Variants in SKAP2 observed in about 807,000 individuals in gnomAD.
SKAP2 encodes src kinase-associated phosphoprotein 2.
Under a neutral mutation model 54.9 loss-of-function variants are expected in SKAP2, and 28 were observed. The observed-to-expected ratio is 0.51, with a 90% CI of 0.38 to 0.70. The LOEUF (loss-of-function observed/expected upper bound fraction) is 0.70. Among genes scored for constraint, SKAP2 ranks in the 30% least tolerant of loss-of-function variants. SKAP2 has a pLI of 0.00. For synonymous variants in SKAP2, 137 were observed against 134.3 expected (o/e 1.02, Z -0.14); for missense variants, 356 against 424.1 (o/e 0.84, Z 1.41).
chr7:26,826,223 T>C (rs1784492406), intron 4 of SKAP2, among the ~76,000 whole-genome samples: 1 of 152,112 alleles, frequency 6.6e-6, no homozygotes, highest in East Asian at 1.9e-4. Flanking sequence ...TCTATTTCAA[T>C]GGGGTTGCTA....
At position 26,801,053 on chromosome 7, in the gene SKAP2, GA is replaced by G. The variant is rs1347730101; in HGVS notation, c.307+42976del. On this transcript the variant is annotated intron_variant, in intron 4 of 12. Coordinates refer to ENST00000345317, the MANE Select transcript of SKAP2 (RefSeq NM_003930.5). Reference sequence around the variant, plus strand: ...AAGACGCATCCAAGAAAGAAAGAAAGAAAAAAAAATATAGGCCAATATATTT... The same window carrying G: ...AAGACGCATCCAAGAAAGAAAGAAAGAAAAAAAATATAGGCCAATATATTT... 4.7e-5 allele frequency among the ~76,000 whole-genome samples: 7 copies of G among 149,716 alleles called. No homozygotes were observed. In the East Asian group the frequency reaches 5.9e-4, roughly 13 times the overall value.
chr7:26,836,141 T>C (rs1007163830), intron 4 of SKAP2, among the ~76,000 whole-genome samples: 1 of 152,216 alleles, frequency 6.6e-6, no homozygotes, highest in Admixed American at 6.5e-5. Context: ...GCCAGCCATA[T>C]GCAGAAAACT....
intron 4 of SKAP2, among the ~76,000 whole-genome samples, chr7:26,799,072 G>A (rs1584396083): frequency 6.6e-6 from 1 of 150,712 alleles, no homozygotes; most frequent in African/African-American, 2.4e-5. Context: ...GGCAGGGACA[G>A]GGCAAGGCAA....
At chr7:26,722,578 T>A (rs949447335) in intron 9 of SKAP2, among the ~76,000 whole-genome samples, 2 of 151,866 alleles carry the variant, frequency 1.3e-5, no homozygotes, top group African/African-American at 4.8e-5. Flanking sequence ...TATTTTTATT[T>A]TTTTATTTTT....
intron 9 of SKAP2, among the ~76,000 whole-genome samples, chr7:26,718,016 T>C (rs1262959256): frequency 1.3e-5 from 2 of 151,778 alleles, no homozygotes; most frequent in Non-Finnish European, 2.9e-5. Flanking sequence ...GAGGATATTA[T>C]ATATATATAC....
chr7:26,681,856 A>G (rs976256035), intron 11 of SKAP2, among the ~76,000 whole-genome samples: 2 of 152,202 alleles, frequency 1.3e-5, no homozygotes, highest in Admixed American at 1.3e-4. Flanking sequence ...TGATGAACAA[A>G]GTTTTTCATG....
At chr7:26,772,756 TGTTTG>T (rs1433280820) in intron 4 of SKAP2, among the ~76,000 whole-genome samples, 2 of 152,210 alleles carry the variant, frequency 1.3e-5, no homozygotes, top group African/African-American at 4.8e-5. Context: ...TCCACGTGTG[TGTTTG>T]TTTTGTGGGA....
chr7:26,837,446 T>C (rs1031784478), intron 4 of SKAP2, among the ~76,000 whole-genome samples: 1 of 152,074 alleles, frequency 6.6e-6, no homozygotes, highest in African/African-American at 2.4e-5. Flanking sequence ...CTTACAATCA[T>C]GGTGGAAGGC....
chr7:26,795,309 T>C (rs1435678411), intron 4 of SKAP2, among the ~76,000 whole-genome samples: 1 of 152,204 alleles, frequency 6.6e-6, no homozygotes, highest in Non-Finnish European at 1.5e-5. Flanking sequence ...GTAAATAATT[T>C]ATTCATCTGG....
chr7:26,833,531 A>G lies in SKAP2; in HGVS notation c.307+10499T>C, dbSNP rs191623092. Among the ~76,000 whole-genome samples the G allele has an allele frequency of 1.5e-3, 228 of 152,306 alleles. 1 individual carries two copies. The highest frequency in any genetic ancestry group is 5.2e-3 in the African/African-American group (216 of 41,570). ...AAAATAAAGGGATGGAGGAATATTT[A>G]CCAAGCAAATGGAAAGCAATAAAAA... On this transcript the variant is annotated intron_variant, in intron 4 of 12. Transcript: ENST00000345317.
intron 4 of SKAP2, among the ~76,000 whole-genome samples, chr7:26,741,054 A>C (rs893651714): frequency 3.9e-5 from 6 of 152,226 alleles, no homozygotes; most frequent in Non-Finnish European, 8.8e-5. Flanking sequence ...AAGTGAAAAC[A>C]ACCAATCAAA....
At chr7:26,705,923 A>G (rs1787146475) in intron 9 of SKAP2, among the ~76,000 whole-genome samples, 1 of 152,242 alleles carries the variant, frequency 6.6e-6, no homozygotes, top group Non-Finnish European at 1.5e-5. Context: ...CACACTTCAC[A>G]AAAGATTCAA....
chr7:26,823,137 A>G (rs1784414736), intron 4 of SKAP2, among the ~76,000 whole-genome samples: 1 of 151,622 alleles, frequency 6.6e-6, no homozygotes, highest in South Asian at 2.1e-4. Context: ...AGAAAGCAAA[A>G]TAGCCTGGCC....
chr7:26,680,687 G>A (rs1430832625), intron 11 of SKAP2, among the ~76,000 whole-genome samples: 1 of 152,208 alleles, frequency 6.6e-6, no homozygotes, highest in Non-Finnish European at 1.5e-5. Context: ...AACCCTATGT[G>A]AATAGAAGTA....
chr7:26,778,189 G>A (rs933324009), intron 4 of SKAP2, among the ~76,000 whole-genome samples: 7 of 151,952 alleles, frequency 4.6e-5, no homozygotes, highest in Non-Finnish European at 8.8e-5. Context: ...TATTTTTAAG[G>A]GATGGGGGAA....
intron 1 of SKAP2, among the ~76,000 whole-genome samples, chr7:26,862,282 T>G (rs1785286754): frequency 6.6e-6 from 1 of 152,020 alleles, no homozygotes; most frequent in African/African-American, 2.4e-5. Flanking sequence ...TTAATTACAG[T>G]CAAACATAAA....
intron 1 of SKAP2, chr7:26,855,113 C>G (rs950107916): frequency 3.8e-5 from 12 of 317,782 alleles, no homozygotes; most frequent in Non-Finnish European, 6.4e-5. Flanking sequence ...TCTACTTATG[C>G]TTACCACAGC....
intron 9 of SKAP2, among the ~76,000 whole-genome samples, chr7:26,704,518 T>A (rs1254911142): frequency 1.3e-5 from 2 of 152,200 alleles, no homozygotes; most frequent in Admixed American, 6.5e-5. Context: ...AAATATGAAT[T>A]TCCACGTACC....
chr7:26,749,742 T>TAAC (rs910539953), intron 4 of SKAP2, among the ~76,000 whole-genome samples: 1 of 67,652 alleles, frequency 1.5e-5, no homozygotes, highest in Non-Finnish European at 2.8e-5. Context: ...TCTCAAATAA[T>TAAC]AACAATAATA....
Sources: gnomAD v4.1 joint callset for allele counts (sites outside exome capture counted in the v4.1 genomes callset) on GRCh38, gnomAD v4.1.1 for gene constraint, MANE v1.5 for transcripts, NCBI Gene and HGNC (gene_info 2026-07-23, HGNC 2026-07-21) for gene names.